The following RALYL variants were observed in gnomAD, a reference collection of about 807,000 sequenced individuals.
RALYL encodes the protein RALY RNA binding protein like.
A neutral mutation model predicts 35.1 loss-of-function variants in RALYL; 29 were observed. That is an observed-to-expected ratio of 0.83 (90% confidence interval 0.61 to 1.13). The LOEUF is 1.13. Ranked by LOEUF, RALYL falls within the 50% of genes most tolerant of loss-of-function variation. The probability of loss-of-function intolerance (pLI) is 0.00; values close to 1 mark genes in which losing one functional copy is unlikely to be tolerated. For synonymous variants in RALYL, 120 were observed against 127.6 expected (o/e 0.94, Z 0.40); for missense variants, 359 against 360.4 (o/e 1.00, Z 0.03).
intron 2 of RALYL, among the ~76,000 whole-genome samples, chr8:84,598,018 T>C (rs1814998625): frequency 6.6e-6 from 1 of 152,156 alleles, no homozygotes; most frequent in South Asian, 2.1e-4. Context: ...GAGCATGACA[T>C]ACAAACCTCT....
At chr8:84,897,433 G>A (rs1021671508) in intron 8 of RALYL, among the ~76,000 whole-genome samples, 1 of 152,166 alleles carries the variant, frequency 6.6e-6, no homozygotes, top group South Asian at 2.1e-4. Flanking sequence ...ATTATGATTT[G>A]ATTTCAGTTT....
intron 1 of RALYL, among the ~76,000 whole-genome samples, chr8:84,361,394 A>G (rs992171116): frequency 1.3e-5 from 2 of 152,158 alleles, no homozygotes; most frequent in African/African-American, 4.8e-5. Context: ...GGATTTGGGA[A>G]GTGGCCCAAA....
intron 2 of RALYL, among the ~76,000 whole-genome samples, chr8:84,623,897 G>A (rs1007149647): frequency 1.3e-5 from 2 of 152,196 alleles, no homozygotes; most frequent in Admixed American, 6.5e-5. Context: ...CATCATGAAC[G>A]TGGAAAGTCT....
intron 4 of RALYL, among the ~76,000 whole-genome samples, chr8:84,827,275 A>G (rs1404843197): frequency 6.6e-6 from 1 of 152,142 alleles, no homozygotes; most frequent in Non-Finnish European, 1.5e-5. Context: ...AATACAAGAA[A>G]ATATCCTAAA....
At chr8:84,339,047 G>T (rs896899269) in intron 1 of RALYL, among the ~76,000 whole-genome samples, 1 of 152,036 alleles carries the variant, frequency 6.6e-6, no homozygotes, top group Non-Finnish European at 1.5e-5. Context: ...TCAGGGTGGC[G>T]CAGACATGAT....
intron 2 of RALYL, among the ~76,000 whole-genome samples, chr8:84,764,517 A>G (rs1357807111): frequency 6.6e-6 from 1 of 152,210 alleles, no homozygotes; most frequent in Non-Finnish European, 1.5e-5. Flanking sequence ...AATAAGTCAC[A>G]TACAATGATC....
At chr8:84,318,496 C>T (rs1272718796) in intron 1 of RALYL, among the ~76,000 whole-genome samples, 1 of 152,210 alleles carries the variant, frequency 6.6e-6, no homozygotes, top group East Asian at 1.9e-4. Context: ...ATTACATCCT[C>T]TTTCAACCTT....
intron 1 of RALYL, among the ~76,000 whole-genome samples, chr8:84,291,256 G>A (rs906807230): frequency 6.6e-6 from 1 of 152,146 alleles, no homozygotes; most frequent in Non-Finnish European, 1.5e-5. Flanking sequence ...TAAAAAAGAA[G>A]CACTATTGGC....
rs1587656659 is a variant in RALYL, at chr8:84,478,922, T to TAAAAAAAAAAAAAAAAA, written c.-23-50372_-23-50371insAAAAAAAAAAAAAAAAA. On this transcript the variant is annotated intron_variant, in intron 1 of 8. Transcript: ENST00000521268. ...TAACACCGTGAAACCCCGTCTCTAC[T>TAAAAAAAAAAAAAAAAA]AAAAATACAAAACATTAGCCGGGCA... Among the ~76,000 whole-genome samples the TAAAAAAAAAAAAAAAAA allele has an allele frequency of 1.8e-3, 153 of 85,172 alleles. 9 individuals are homozygous for TAAAAAAAAAAAAAAAAA. The highest frequency in any genetic ancestry group is 4.7e-3 in the East Asian group (11 of 2,356). The allele number at this position is 85,172 out of a possible 152,430, so 55.9% of individuals were successfully genotyped here. A position where few individuals can be genotyped will look rare whatever the true frequency, so the allele number is the denominator to read the frequency against.
chr8:84,391,027 CAGCTCAGCA>C (rs1860561644), intron 1 of RALYL, among the ~76,000 whole-genome samples: 2 of 152,026 alleles, frequency 1.3e-5, no homozygotes, highest in Non-Finnish European at 2.9e-5. Flanking sequence ...CACATCTCTG[CAGCTCAGCA>C]AGCCTGAGGT....
At chr8:84,374,938 CT>C (rs535586098) in intron 1 of RALYL, among the ~76,000 whole-genome samples, 7 of 151,914 alleles carry the variant, frequency 4.6e-5, no homozygotes, top group African/African-American at 1.7e-4. Context: ...AATCATTTTG[CT>C]TGTGGTTCTA....
intron 2 of RALYL, among the ~76,000 whole-genome samples, chr8:84,661,130 G>A (rs865934674): frequency 1.3e-4 from 19 of 151,668 alleles, no homozygotes; most frequent in Non-Finnish European, 5.9e-5. Context: ...GGGTTTCACC[G>A]TGTTAGCCAG....
chr8:84,606,766 T>A (rs1445828584), intron 2 of RALYL, among the ~76,000 whole-genome samples: 1 of 152,032 alleles, frequency 6.6e-6, no homozygotes, highest in Non-Finnish European at 1.5e-5. Flanking sequence ...AATGAATGTT[T>A]TTTGAAAACT....
At chr8:84,185,559 A>G (rs1038162838) in intron 1 of RALYL, among the ~76,000 whole-genome samples, 2 of 152,048 alleles carry the variant, frequency 1.3e-5, no homozygotes, top group East Asian at 1.9e-4. Context: ...TTTCTGTCCA[A>G]ATAAATTTCC....
chr8:84,644,071 C>G (rs764910074), intron 2 of RALYL, among the ~76,000 whole-genome samples: 2 of 151,830 alleles, frequency 1.3e-5, no homozygotes, highest in African/African-American at 4.8e-5. Context: ...GATAAATGTG[C>G]ATGGTGTAAG....
intron 4 of RALYL, among the ~76,000 whole-genome samples, chr8:84,824,262 CA>C (rs34410756): frequency 1.8e-4 from 27 of 147,982 alleles, no homozygotes; most frequent in East Asian, 3.9e-4. Context: ...ACAATAGCTG[CA>C]AAAAAAAAAA....
At chr8:84,366,947 C>T (rs1241768808) in intron 1 of RALYL, among the ~76,000 whole-genome samples, 1 of 151,550 alleles carries the variant, frequency 6.6e-6, no homozygotes, top group African/African-American at 2.4e-5. Flanking sequence ...AGGAAATAGC[C>T]TCTATATGAC....
chr8:84,576,334 C>CA (rs537523431), intron 2 of RALYL, among the ~76,000 whole-genome samples: 1 of 152,076 alleles, frequency 6.6e-6, no homozygotes. Flanking sequence ...TTGATTACTA[C>CA]AAAAAATTGA....
intron 2 of RALYL, among the ~76,000 whole-genome samples, chr8:84,737,871 A>G (rs1294900207): frequency 1.3e-5 from 2 of 152,012 alleles, no homozygotes; most frequent in African/African-American, 4.8e-5. Flanking sequence ...CTTACCAGAC[A>G]CAGAATCATC....
Sources: gnomAD v4.1 joint callset for allele counts (sites outside exome capture counted in the v4.1 genomes callset) on GRCh38, gnomAD v4.1.1 for gene constraint, MANE v1.5 for transcripts, NCBI Gene and HGNC (gene_info 2026-07-23, HGNC 2026-07-21) for gene names.